MCC: variants seen among roughly 807,000 people sequenced by gnomAD.
The protein encoded by MCC is colorectal mutant cancer protein.
Under a neutral mutation model 116.2 loss-of-function variants are expected in MCC, and 90 were observed. The ratio of observed to expected loss-of-function variants is 0.77; its 90% CI spans 0.65 to 0.92. The LOEUF is 0.92. Ranked by LOEUF, MCC falls within the 40% of genes least tolerant of loss-of-function variation. MCC has a pLI of 0.00. For synonymous variants in MCC, 578 were observed against 510.5 expected (o/e 1.13, Z -1.78); for missense variants, 1,516 against 1,312.2 (o/e 1.16, Z -2.40).
intron 11 of MCC, 71 bp downstream of exon 11, chr5:113,082,789 C>A: frequency 6.4e-7 from 1 of 1,567,704 alleles, no homozygotes; most frequent in Non-Finnish European, 8.7e-7. Flanking sequence ...TTGAACAGAT[C>A]TTTGGAAAGA....
At chr5:113,132,714 A>T (rs1031440982) in intron 5 of MCC, among the ~76,000 whole-genome samples, 4 of 152,088 alleles carry the variant, frequency 2.6e-5, no homozygotes, top group African/African-American at 9.7e-5. Flanking sequence ...CCTGACTTGT[A>T]TTGGGTTGTT....
At chr5:113,462,206 TG>T (rs951516913) in intron 1 of MCC, among the ~76,000 whole-genome samples, 1 of 152,226 alleles carries the variant, frequency 6.6e-6, no homozygotes, top group Admixed American at 6.5e-5. Context: ...ACCATCCATG[TG>T]GGGATGTGAC....
At chr5:113,075,367 C>A (rs776647452) in intron 11 of MCC, among the ~76,000 whole-genome samples, 64 of 152,190 alleles carry the variant, frequency 4.2e-4, no homozygotes, top group Non-Finnish European at 8.2e-4. Context: ...ATGGGTGCCG[C>A]CCCCTGCTCT....
chr5:113,378,077 T>C (rs1217408615), intron 2 of MCC, among the ~76,000 whole-genome samples: 1 of 152,194 alleles, frequency 6.6e-6, no homozygotes, highest in East Asian at 1.9e-4. Flanking sequence ...GAATAGATTT[T>C]GTATATATTA....
intron 3 of MCC, among the ~76,000 whole-genome samples, chr5:113,202,454 G>C (rs911716831): frequency 6.6e-6 from 1 of 152,072 alleles, no homozygotes; most frequent in Non-Finnish European, 1.5e-5. Context: ...TCCAGTTACC[G>C]CCAGCTGCCT....
Position 113,041,133 on chromosome 5 carries a change from C to G in MCC, c.2756+2397G>C, listed in dbSNP as rs539942859. On this transcript the variant is annotated intron_variant, in intron 17 of 18. Transcript: ENST00000408903. Reference sequence around the variant, plus strand: ...GCCAGAGGCTCTGGCAAAGTACAAACAGAGCTATTACAACTTGGAAGGAAA... The same window carrying G: ...GCCAGAGGCTCTGGCAAAGTACAAAGAGAGCTATTACAACTTGGAAGGAAA... Among the ~76,000 whole-genome samples, 21 of 152,296 alleles carry G rather than the reference C, an allele frequency of 1.4e-4. No individual in the cohort carries two copies. In the South Asian group the frequency reaches 1.5e-3, roughly 11 times the overall value.
At chr5:113,414,433 T>C (rs528237642) in intron 1 of MCC, among the ~76,000 whole-genome samples, 1 of 152,336 alleles carries the variant, frequency 6.6e-6, no homozygotes, top group East Asian at 1.9e-4. Context: ...AAGGACTTGC[T>C]TTATGAATCT....
At chr5:113,224,552 T>G (rs1240023022) in intron 3 of MCC, among the ~76,000 whole-genome samples, 1 of 152,216 alleles carries the variant, frequency 6.6e-6, no homozygotes, top group Non-Finnish European at 1.5e-5. Context: ...CTGAATCTTT[T>G]AACAGCACTG....
chr5:113,049,376 T>C (rs28510443), intron 15 of MCC, 77 bp from the exon 16 acceptor site: 8 of 1,286,336 alleles, frequency 6.2e-6, no homozygotes, highest in South Asian at 1.5e-5. Flanking sequence ...AGTGGGTGGG[T>C]GGGGGGTCCC....
At chr5:113,188,983 C>T (rs931122481) in intron 3 of MCC, among the ~76,000 whole-genome samples, 4 of 152,242 alleles carry the variant, frequency 2.6e-5, no homozygotes, top group African/African-American at 9.6e-5. Context: ...CCTTGTTACT[C>T]TGTGAGACAC....
intron 16 of MCC, 61 bp downstream of exon 16, chr5:113,049,032 A>T (rs765708766): frequency 3.4e-6 from 3 of 872,776 alleles, no homozygotes; most frequent in Non-Finnish European, 4.6e-6. Flanking sequence ...GCCAGTGGTC[A>T]CTGGGCAGTC....
intron 3 of MCC, among the ~76,000 whole-genome samples, chr5:113,151,776 C>G (rs1174393456): frequency 6.6e-6 from 1 of 152,038 alleles, no homozygotes; most frequent in African/African-American, 2.4e-5. Context: ...TCATGAGAGT[C>G]AAGAAAATCA....
chr5:113,180,061 G>T (rs768962025), intron 3 of MCC, among the ~76,000 whole-genome samples: 1 of 152,196 alleles, frequency 6.6e-6, no homozygotes, highest in South Asian at 2.1e-4. Flanking sequence ...TTTCCATGGA[G>T]AATGAATACA....
chr5:113,419,105 C>T (rs1187682156), intron 1 of MCC, among the ~76,000 whole-genome samples: 1 of 152,046 alleles, frequency 6.6e-6, no homozygotes, highest in Non-Finnish European at 1.5e-5. Flanking sequence ...TATCCAAGAA[C>T]ACGTATCTGC....
intron 3 of MCC, among the ~76,000 whole-genome samples, chr5:113,152,710 T>C (rs1759952748): frequency 6.6e-6 from 1 of 152,136 alleles, no homozygotes; most frequent in African/African-American, 2.4e-5. Flanking sequence ...GAAGCAGATA[T>C]AAGGCAGAGT....
At chr5:113,138,265 C>T (rs1248601483) in intron 5 of MCC, among the ~76,000 whole-genome samples, 1 of 152,168 alleles carries the variant, frequency 6.6e-6, no homozygotes, top group African/African-American at 2.4e-5. Flanking sequence ...CCTGCCTCAG[C>T]CTCCCAAAGT....
At chr5:113,475,816 C>T (rs1772221229) in intron 1 of MCC, among the ~76,000 whole-genome samples, 1 of 152,092 alleles carries the variant, frequency 6.6e-6, no homozygotes, top group South Asian at 2.1e-4. Context: ...GACTTTAAGA[C>T]TTTAAGGGAA....
chr5:113,119,506 C>T (rs995744745), intron 6 of MCC, among the ~76,000 whole-genome samples: 18 of 152,162 alleles, frequency 1.2e-4, no homozygotes, highest in Non-Finnish European at 2.4e-4. Context: ...AGAGTGGCTG[C>T]AGCTGGAAGA....
intron 1 of MCC, among the ~76,000 whole-genome samples, chr5:113,441,245 G>C (rs1367856263): frequency 1.3e-5 from 2 of 152,162 alleles, no homozygotes; most frequent in Non-Finnish European, 2.9e-5. Context: ...TTAGGCAGGA[G>C]AATCTCTTGA....
Sources: gnomAD v4.1 joint callset for allele counts (sites outside exome capture counted in the v4.1 genomes callset) on GRCh38, gnomAD v4.1.1 for gene constraint, MANE v1.5 for transcripts, NCBI Gene and HGNC (gene_info 2026-07-23, HGNC 2026-07-21) for gene names.